The following C1GALT1 variants were observed in gnomAD, a reference collection of about 807,000 sequenced individuals.
C1GALT1 encodes glycoprotein-N-acetylgalactosamine 3-beta-galactosyltransferase 1.
C1GALT1 carries 11 observed loss-of-function variants against 31.0 expected under a neutral mutation model. The observed-to-expected ratio is 0.36, with a 90% CI of 0.22 to 0.59. C1GALT1 has a LOEUF of 0.59. Among genes scored for constraint, C1GALT1 ranks in the 20% least tolerant of loss-of-function variants. The pLI is 0.79. For synonymous variants in C1GALT1, 175 were observed against 143.6 expected, an observed-to-expected ratio of 1.22 and a Z score of -1.56; for missense variants, 424 against 425.2, an observed-to-expected ratio of 1.00 and a Z score of 0.03.
chr7:7,195,989 T>G (rs1336420545), intron 1 of C1GALT1, among the ~76,000 whole-genome samples: 10 of 152,202 alleles, frequency 6.6e-5, no homozygotes, highest in Admixed American at 6.5e-4. Flanking sequence ...AATAGCTACT[T>G]CTGCTAGCTT....
upstream of C1GALT1, among the ~76,000 whole-genome samples, chr7:7,181,821 T>C (rs1283026062): frequency 6.6e-6 from 1 of 152,270 alleles, no homozygotes; most frequent in African/African-American, 2.4e-5. Flanking sequence ...GACTAAACCT[T>C]ACCCTCACCT....
At chr7:7,182,883 C>G (rs1000459887) in intron 1 of C1GALT1, 63 bp downstream of exon 1, 14 of 978,762 alleles carry the variant, frequency 1.4e-5, no homozygotes, top group Admixed American at 6.1e-5. Context: ...TCGCCCTCCC[C>G]CCTCTCCGGG....
In C1GALT1 at chr7:7,238,363, C is replaced by A; in HGVS notation, c.329C>A (p.Thr110Asn). 6.2e-7 allele frequency: 1 copy of A among 1,614,118 alleles called. No individual in the cohort carries two copies. The highest frequency in any genetic ancestry group is 8.5e-7 in the Non-Finnish European group (1 of 1,180,000). ...AAAAAGGCCAAACACGTCAAAGCTA[C>A]TTGGGCCCAGCGTTGTAACAAAGTG... ...LEKKAKHVKA[T>N]WAQRCNKVLF... The change falls in exon 3 of 4, where the codon ACT (threonine) becomes AAT (asparagine). Residue 110 changes from threonine to asparagine, a missense_variant. By Grantham distance (65) the Thr-to-Asn change is moderately conservative (BLOSUM62 0). Around this residue, in one of 3 missense-constraint regions of C1GALT1, gnomAD observed 189 missense variants for 158.2 expected, o/e 1.19. Coordinates refer to ENST00000436587, the MANE Select transcript of C1GALT1 (RefSeq NM_020156.5). The surrounding 1 kb of genome is among the most constrained non-coding windows in gnomAD (Gnocchi z 5.2).
rs1781632902 is a variant in C1GALT1, at chr7:7,204,099, TTTTTTTTTTTTGTTTTTTTG to T, written c.-18+21292_-18+21311del. Among the ~76,000 whole-genome samples the T allele has an allele frequency of 3.4e-5, 5 of 146,546 alleles. No homozygotes were observed. The South Asian group carries it at 1.1e-3, about 32-fold the overall frequency. On this transcript the variant is annotated intron_variant, in intron 1 of 3. Coordinates refer to ENST00000436587, the MANE Select transcript of C1GALT1 (RefSeq NM_020156.5). The stretch of plus-strand genomic sequence containing the variant: ...CAGGAAGTGTTCCCTCCTCTTCTGT[TTTTTTTTTTTTGTTTTTTTG>T]TTTTTTTTTTTGGAAAAGTTTGAGA...
intron 1 of C1GALT1, among the ~76,000 whole-genome samples, chr7:7,202,432 C>A (rs533152832): frequency 6.6e-6 from 1 of 152,170 alleles, no homozygotes; most frequent in Non-Finnish European, 1.5e-5. Flanking sequence ...CAACTTCATT[C>A]TTTTGCATGT....
chr7:7,168,652 C>T (rs777140950), intron 2 of C1GALT1, among the ~76,000 whole-genome samples: 2 of 152,168 alleles, frequency 1.3e-5, no homozygotes, highest in Non-Finnish European at 2.9e-5. Flanking sequence ...ATCAAGATTA[C>T]TCAGTTCCTT....
rs530728299 is a variant in C1GALT1, at chr7:7,237,103, C to A, written c.221-1152C>A. On this transcript the variant is annotated intron_variant, in intron 2 of 3. Transcript: ENST00000436587. Reference sequence around the variant, plus strand: ...TTTATTGTAATTGGAGTAATTTTGTCTGAAGCTAAAAATAAAAATTTAGGA... The same window carrying A: ...TTTATTGTAATTGGAGTAATTTTGTATGAAGCTAAAAATAAAAATTTAGGA... Among the ~76,000 whole-genome samples, 11 of 152,260 alleles carry A rather than the reference C, an allele frequency of 7.2e-5. No homozygotes were observed. In the East Asian group the frequency reaches 2.1e-3, roughly 29 times the overall value.
At position 7,243,959 on chromosome 7, in the gene C1GALT1, G is replaced by T; in HGVS notation, c.*232G>T. The T allele has an allele frequency of 3.6e-6, 1 of 276,584 alleles. No homozygotes were observed. The highest frequency in any genetic ancestry group is 6.7e-6 in the Non-Finnish European group (1 of 150,054). The allele number at this position is 276,584 out of a possible 1,614,324, so 17.1% of individuals were successfully genotyped here. A position where few individuals can be genotyped will look rare whatever the true frequency, so the allele number is the denominator to read the frequency against. On this transcript the variant is annotated 3_prime_UTR_variant, in exon 4 of 4. Transcript: ENST00000436587. ...ATATGTCTATATATATGAGGAACTT[G>T]TGTTTTTTAAATGGTGGCCAGGTAG...
Position 7,219,994 on chromosome 7 carries a change from A to G in C1GALT1, c.-17-14309A>G, listed in dbSNP as rs866164767. On this transcript the variant is annotated intron_variant, in intron 1 of 3. Coordinates refer to ENST00000436587, the MANE Select transcript of C1GALT1 (RefSeq NM_020156.5). Reference sequence around the variant, plus strand: ...CCTTGTATTGATTCTGATTTGGGATATTAAATCTTTTTCATTTAGCACATC... The same window carrying G: ...CCTTGTATTGATTCTGATTTGGGATGTTAAATCTTTTTCATTTAGCACATC... Among the ~76,000 whole-genome samples, 9 of 152,172 alleles carry G rather than the reference A, an allele frequency of 5.9e-5. No individual in the cohort carries two copies. The South Asian group carries it at 1.9e-3, about 32-fold the overall frequency.
chr7:7,194,269 C>G (rs1458055973), intron 1 of C1GALT1, among the ~76,000 whole-genome samples: 1 of 152,106 alleles, frequency 6.6e-6, no homozygotes, highest in Admixed American at 6.5e-5. Context: ...AGGGGAAATG[C>G]TTTCAACCTT....
chr7:7,216,859 G>A (rs4318980), intron 1 of C1GALT1, among the ~76,000 whole-genome samples: 81,134 of 152,038 alleles, frequency 0.53, 23,024 homozygotes, highest in East Asian at 0.94. Context: ...GCTTAGAAAT[G>A]ACCATGTGCT....
At chr7:7,188,494 C>T (rs1022583040) in intron 1 of C1GALT1, among the ~76,000 whole-genome samples, 1 of 152,182 alleles carries the variant, frequency 6.6e-6, no homozygotes, top group South Asian at 2.1e-4. Flanking sequence ...CATATTATTT[C>T]ACTCTGTAGA....
At chr7:7,169,316 C>T (rs547274266) in intron 2 of C1GALT1, among the ~76,000 whole-genome samples, 1 of 152,190 alleles carries the variant, frequency 6.6e-6, no homozygotes, top group East Asian at 1.9e-4. Context: ...TCACAACAAA[C>T]GTTCATGTAC....
At chr7:7,191,784 G>C (rs1781084712) in intron 1 of C1GALT1, among the ~76,000 whole-genome samples, 1 of 152,012 alleles carries the variant, frequency 6.6e-6, no homozygotes, top group Admixed American at 6.6e-5. Flanking sequence ...TAGGAGAAAT[G>C]TGTATTTGAG....
chr7:7,159,825 C>T (rs1222041091), intron 2 of C1GALT1, among the ~76,000 whole-genome samples: 1 of 152,096 alleles, frequency 6.6e-6, no homozygotes, highest in Non-Finnish European at 1.5e-5. Flanking sequence ...CCTATAGAAA[C>T]ACTGTTACAC....
At chr7:7,163,337 T>C (rs940319214) in intron 2 of C1GALT1, among the ~76,000 whole-genome samples, 1 of 152,144 alleles carries the variant, frequency 6.6e-6, no homozygotes, top group African/African-American at 2.4e-5. Context: ...GAGCTATCTA[T>C]GACAAACCCA....
chr7:7,160,994 C>G (rs1780327479), intron 2 of C1GALT1, among the ~76,000 whole-genome samples: 1 of 152,150 alleles, frequency 6.6e-6, no homozygotes, highest in East Asian at 1.9e-4. Flanking sequence ...CAACTGAAAT[C>G]TAAGACAGAA....
upstream of C1GALT1, among the ~76,000 whole-genome samples, chr7:7,179,595 G>T (rs1208553201): frequency 6.6e-6 from 1 of 151,958 alleles, no homozygotes; most frequent in Non-Finnish European, 1.5e-5. Context: ...TGATGACTTG[G>T]CCTATCTTAT....
chr7:7,187,947 C>G (rs1242384488), intron 1 of C1GALT1, among the ~76,000 whole-genome samples: 2 of 152,014 alleles, frequency 1.3e-5, no homozygotes, highest in Non-Finnish European at 2.9e-5. Flanking sequence ...CAGTGGAGTT[C>G]CGTGAAAGGA....
Sources: gnomAD v4.1 joint callset for allele counts (sites outside exome capture counted in the v4.1 genomes callset) on GRCh38, gnomAD v4.1.1 for gene constraint, gnomAD v4.1.1 regional missense constraint, Gnocchi (gnomAD v3.1) non-coding constraint, MANE v1.5 for transcripts, NCBI Gene and HGNC (gene_info 2026-07-23, HGNC 2026-07-21) for gene names.